The following UBAP2 variants were observed in gnomAD, a reference collection of about 807,000 sequenced individuals.
UBAP2 encodes ubiquitin associated protein 2.
A neutral mutation model predicts 139.6 loss-of-function variants in UBAP2; 75 were observed. The observed-to-expected ratio is 0.54, with a 90% CI of 0.45 to 0.65. The LOEUF (loss-of-function observed/expected upper bound fraction) is 0.65, where lower values mean the gene tolerates loss of function less well. UBAP2 is among the 30% of genes least tolerant of loss of function. The pLI, the probability that UBAP2 is intolerant of heterozygous loss-of-function variation, is 0.00. For missense variants in UBAP2, 1,368 were observed against 1,369.6 expected, an observed-to-expected ratio of 1.00 and a Z score of 0.02; for synonymous variants, 526 against 526.2, an observed-to-expected ratio of 1.00 and a Z score of 0.01.
intron 5 of UBAP2, among the ~76,000 whole-genome samples, chr9:33,988,294 A>G (rs967832343): frequency 2.0e-5 from 3 of 152,218 alleles, no homozygotes; most frequent in African/African-American, 4.8e-5. Context: ...TACTCAATAA[A>G]TATCAGTGGA....
At chr9:34,042,672 G>A (rs1827203686) in intron 1 of UBAP2, among the ~76,000 whole-genome samples, 2 of 151,874 alleles carry the variant, frequency 1.3e-5, no homozygotes, top group Non-Finnish European at 1.5e-5. Context: ...GTAGGGTAAT[G>A]GTTACCTCAA....
rs1163660945 is a variant in UBAP2, at chr9:33,944,579, T to C, written c.1331A>G (p.His444Arg). 6 of 1,614,034 alleles carry C rather than the reference T, an allele frequency of 3.7e-6. No individual in the cohort carries two copies. Among genetic ancestry groups the C allele is most frequent in the Non-Finnish European group, 5.1e-6 (6 of 1,180,044 alleles). The change falls in exon 14 of 29, where the codon CAC (histidine) becomes CGC (arginine). Residue 444 changes from histidine to arginine, a missense_variant. Transcript: ENST00000379238. The stretch of plus-strand genomic sequence containing the variant: ...AGGAACAGTGACTGCCTGGCTCTGG[T>C]GCTGTTGTCGCTGGCTCAACTGGCT... ...VLSQLSQRQQ[H>R]QSQAVTVPPP... is the part of the protein sequence containing the mutation.
At chr9:34,045,741 T>C (rs542170253) in intron 1 of UBAP2, among the ~76,000 whole-genome samples, 46 of 152,282 alleles carry the variant, frequency 3.0e-4, no homozygotes, top group African/African-American at 1.0e-3. Flanking sequence ...GCAGGAAATA[T>C]CAGCATAAGT....
rs140352022 is a variant in UBAP2 at position 33,952,121 on chromosome 9, G to A, written c.1056+1164C>T. On this transcript the variant is annotated intron_variant, in intron 12 of 28. Transcript: ENST00000379238. ...CAGGGTAAAACAAACGATTTGACTC[G>A]GGAGAAAATTCTGTTTCTCAGCAAT... 5.5e-4 allele frequency among the ~76,000 whole-genome samples: 83 copies of A among 152,176 alleles called. 1 individual carries two copies. The highest frequency in any genetic ancestry group is 3.4e-3 in the Middle Eastern group (1 of 294).
At chr9:33,964,812 A>C (rs1207264890) in intron 8 of UBAP2, among the ~76,000 whole-genome samples, 1 of 152,078 alleles carries the variant, frequency 6.6e-6, no homozygotes, top group Non-Finnish European at 1.5e-5. Context: ...TTTTCATTCC[A>C]CTTTTATAAA....
At chr9:33,925,801 T>C (rs1032727727) in intron 22 of UBAP2, among the ~76,000 whole-genome samples, 1 of 152,298 alleles carries the variant, frequency 6.6e-6, no homozygotes, top group Non-Finnish European at 1.5e-5. Flanking sequence ...GGAGAAAGCC[T>C]CTTCCTCCAG....
chr9:34,007,268 T>C (rs1232409115), intron 2 of UBAP2, among the ~76,000 whole-genome samples: 2 of 152,032 alleles, frequency 1.3e-5, no homozygotes, highest in Non-Finnish European at 2.9e-5. Context: ...CTGAGGAAGG[T>C]GGATCCCTTG....
intron 1 of UBAP2, among the ~76,000 whole-genome samples, chr9:34,017,719 G>A (rs937541474): frequency 2.0e-5 from 3 of 152,150 alleles, no homozygotes; most frequent in Non-Finnish European, 4.4e-5. Context: ...GAGGTCAGGA[G>A]ATCGAGACCA....
At chr9:34,030,112 G>A (rs1304322127) in intron 1 of UBAP2, among the ~76,000 whole-genome samples, 1 of 151,818 alleles carries the variant, frequency 6.6e-6, no homozygotes, top group African/African-American at 2.4e-5. Flanking sequence ...ACCAGCCTGG[G>A]CAACATAGAG....
chr9:33,964,299 T>C (rs1827290122), intron 8 of UBAP2, among the ~76,000 whole-genome samples: 1 of 152,174 alleles, frequency 6.6e-6, no homozygotes, highest in Admixed American at 6.5e-5. Flanking sequence ...GCCAGCACCA[T>C]CAGCTGACAT....
intron 10 of UBAP2, among the ~76,000 whole-genome samples, chr9:33,959,847 C>G (rs990031812): frequency 6.6e-6 from 1 of 151,990 alleles, no homozygotes; most frequent in Non-Finnish European, 1.5e-5. Flanking sequence ...TAATAGTTCA[C>G]AAATCTGGGC....
At chr9:34,011,082 G>T (rs574021855) in intron 2 of UBAP2, among the ~76,000 whole-genome samples, 1 of 151,964 alleles carries the variant, frequency 6.6e-6, no homozygotes, top group Non-Finnish European at 1.5e-5. Context: ...AAGAAACACC[G>T]ACCCGATTAA....
intron 17 of UBAP2, chr9:33,935,612 T>C: frequency 1.7e-6 from 1 of 586,278 alleles, no homozygotes; most frequent in Non-Finnish European, 3.0e-6. Context: ...TGTGGTGCAG[T>C]CTGATTAGGG....
At chr9:33,971,795 A>T (rs1827935844) in intron 7 of UBAP2, 41 bp from the exon 8 acceptor site, 2 of 1,243,358 alleles carry the variant, frequency 1.6e-6, no homozygotes, top group African/African-American at 2.9e-5. Flanking sequence ...CAAAAGAAGC[A>T]AACACCTAAG....
intron 10 of UBAP2, among the ~76,000 whole-genome samples, chr9:33,959,705 T>C (rs1168775741): frequency 6.6e-6 from 1 of 152,102 alleles, no homozygotes; most frequent in Non-Finnish European, 1.5e-5. Flanking sequence ...AATAAAGGAA[T>C]TTTTTTTAAA....
In UBAP2 at chr9:34,017,080, T is replaced by C. The variant is rs754923339; in HGVS notation, c.69A>G (p.Gln23=). The change falls in exon 2 of 29, where the codon CAA becomes CAG. Residue 23 remains glutamine (Q), a synonymous_variant. Transcript: ENST00000379238. ...CCACTTGTTTCTGTGGTTGCGTTGA[T>C]TGTGCTGCTGAAATCTGTGGTTTTT... is the stretch of plus-strand genomic sequence containing the variant. The part of the protein sequence containing the change: ...AREKPQISAA[Q]STQPQKQVVQ... The C allele has an allele frequency of 9.3e-6, 15 of 1,610,074 alleles. No homozygotes were observed. Among genetic ancestry groups the C allele is most frequent in the African/African-American group, 5.4e-5 (4 of 74,686 alleles).
intron 16 of UBAP2, 138 bp from the exon 17 acceptor site, chr9:33,936,016 A>G: frequency 4.0e-6 from 4 of 1,007,522 alleles, no homozygotes; most frequent in Non-Finnish European, 5.7e-6. Context: ...TAAAGGGAAG[A>G]TAAACAACAA....
At chr9:34,041,979 C>G (rs535726801) in intron 1 of UBAP2, among the ~76,000 whole-genome samples, 1 of 151,780 alleles carries the variant, frequency 6.6e-6, no homozygotes, top group Non-Finnish European at 1.5e-5. Flanking sequence ...GAGCCAGGAT[C>G]GAGCCACTGC....
chr9:34,003,138 G>A (rs920356914), intron 2 of UBAP2, among the ~76,000 whole-genome samples: 3 of 150,018 alleles, frequency 2.0e-5, no homozygotes, highest in Non-Finnish European at 3.0e-5. Context: ...TGCAACCTCC[G>A]CCTCTTAGGT....
Sources: gnomAD v4.1 joint callset for allele counts (sites outside exome capture counted in the v4.1 genomes callset) on GRCh38, gnomAD v4.1.1 for gene constraint, MANE v1.5 for transcripts, NCBI Gene and HGNC (gene_info 2026-07-23, HGNC 2026-07-21) for gene names.